Variants in NPFFR1 observed in about 807,000 individuals in gnomAD.
The protein encoded by NPFFR1 is G-protein coupled receptor 147.
NPFFR1 carries 17 observed loss-of-function variants against 12.7 expected under a neutral mutation model. The observed-to-expected ratio is 1.34, with a 90% CI of 0.92 to 2.01. The LOEUF (loss-of-function observed/expected upper bound fraction) is 2.01. NPFFR1 is among the 30% of genes most tolerant of loss of function. The pLI is 0.00. For synonymous variants in NPFFR1, 296 were observed against 264.5 expected, an observed-to-expected ratio of 1.12 and a Z score of -1.16; for missense variants, 604 against 606.5, an observed-to-expected ratio of 1.00 and a Z score of 0.04.
At chr10:70,281,668 T>C (rs1045183654) in intron 1 of NPFFR1, among the ~76,000 whole-genome samples, 15 of 152,258 alleles carry the variant, frequency 9.9e-5, no homozygotes, top group African/African-American at 3.6e-4. Flanking sequence ...TGTTTTTTTT[T>C]CTAATTACTC....
rs1840567600 is a variant in NPFFR1 at position 70,255,923 on chromosome 10, G to A, written c.423-96C>T. ...ATGCGGGCACCTGACCTTCATCATCGCATCTAGGGCGGCGTCGAAGAACAG... is the reference window on the plus strand; with the variant it reads ...ATGCGGGCACCTGACCTTCATCATCACATCTAGGGCGGCGTCGAAGAACAG... On this transcript the variant is annotated intron_variant, in intron 3 of 3. Coordinates refer to ENST00000277942, the MANE Select transcript of NPFFR1 (RefSeq NM_022146.5). This position sits in a 1 kb window ranked among gnomAD's most constrained non-coding sequence, Gnocchi z 4.2. 2.3e-6 allele frequency: 3 copies of A among 1,332,086 alleles called. No homozygotes were observed. The highest frequency in any genetic ancestry group is 3.1e-6 in the Non-Finnish European group (3 of 976,764). 82.5% of individuals were successfully genotyped at this position (1,332,086 alleles called of 1,614,324 possible).
At chr10:70,259,367 A>G (rs926512114) in intron 3 of NPFFR1, among the ~76,000 whole-genome samples, 8 of 152,180 alleles carry the variant, frequency 5.3e-5, no homozygotes, top group African/African-American at 1.9e-4. Context: ...AGTGCTGGCT[A>G]TGAATGCAAT....
intron 3 of NPFFR1, 139 bp downstream of exon 3, chr10:70,260,501 C>T: frequency 1.3e-6 from 1 of 761,532 alleles, no homozygotes; most frequent in Admixed American, 2.2e-5. Context: ...CAGGGCCCTT[C>T]TCCTTGTGGC....
At chr10:70,269,574 C>T (rs1465094698) in intron 1 of NPFFR1, among the ~76,000 whole-genome samples, 3 of 147,572 alleles carry the variant, frequency 2.0e-5, no homozygotes, top group Non-Finnish European at 4.5e-5. Context: ...GCAATGGCTT[C>T]GATCTTGGCT....
intron 1 of NPFFR1, among the ~76,000 whole-genome samples, chr10:70,278,634 G>T (rs894760458): frequency 6.6e-6 from 1 of 152,080 alleles, no homozygotes; most frequent in Non-Finnish European, 1.5e-5. Flanking sequence ...CCCCATTGTT[G>T]GTCCTCCAGT....
At chr10:70,278,322 C>A (rs1315145148) in intron 1 of NPFFR1, among the ~76,000 whole-genome samples, 3 of 136,388 alleles carry the variant, frequency 2.2e-5, no homozygotes, top group South Asian at 2.8e-4. Flanking sequence ...TGCCCCGTAA[C>A]TTTCCTGAAG....
At chr10:70,275,366 C>T (rs912457398) in intron 1 of NPFFR1, among the ~76,000 whole-genome samples, 3 of 152,086 alleles carry the variant, frequency 2.0e-5, no homozygotes, top group African/African-American at 4.8e-5. Flanking sequence ...AAAAGAATTC[C>T]AGGCCTTAGA....
At chr10:70,281,022 A>G (rs182588005) in intron 1 of NPFFR1, among the ~76,000 whole-genome samples, 1 of 152,288 alleles carries the variant, frequency 6.6e-6, no homozygotes, top group East Asian at 1.9e-4. Flanking sequence ...AACAACAACA[A>G]CAAAGAATTC....
intron 1 of NPFFR1, among the ~76,000 whole-genome samples, chr10:70,271,018 C>G (rs1281444495): frequency 6.6e-6 from 1 of 152,162 alleles, no homozygotes; most frequent in Non-Finnish European, 1.5e-5. Context: ...AACCAGAAAC[C>G]CTTGGGACTG....
Position 70,250,961 on chromosome 10 carries a change from C to A in NPFFR1, c.*3996G>T, listed in dbSNP as rs7914887. 2 of 152,082 alleles carry A rather than the reference C, an allele frequency of 1.3e-5. No homozygotes were observed. The highest frequency in any genetic ancestry group is 4.8e-5 in the African/African-American group (2 of 41,386). The allele number at this position is 152,082 out of a possible 1,614,324, so 9.4% of individuals were successfully genotyped here. The stretch of plus-strand genomic sequence containing the variant: ...GTCTCTTGCGGTAGGATTTTGGGTG[C>A]TTTTCATTTTCTTGTCTTTGCTTAT... On this transcript the variant is annotated 3_prime_UTR_variant, in exon 4 of 4. Coordinates refer to ENST00000277942, the MANE Select transcript of NPFFR1 (RefSeq NM_022146.5).
At chr10:70,274,716 C>T (rs1840784139) in intron 1 of NPFFR1, among the ~76,000 whole-genome samples, 1 of 152,152 alleles carries the variant, frequency 6.6e-6, no homozygotes, top group Non-Finnish European at 1.5e-5. Context: ...CTCTCCCAAC[C>T]TCATGGAGTT....
chr10:70,283,233 C>G (rs1340008877), intron 1 of NPFFR1, among the ~76,000 whole-genome samples: 4 of 151,392 alleles, frequency 2.6e-5, no homozygotes, highest in African/African-American at 9.7e-5. Context: ...CTCTCTCTCT[C>G]TCTCTCACAC....
At position 70,255,245 on chromosome 10, in the gene NPFFR1, G is replaced by A. The variant is rs1438107431; in HGVS notation, c.1005C>T (p.Asn335=). The change falls in exon 4 of 4, where the codon AAC becomes AAT. Residue 335 remains asparagine (N), a synonymous_variant. Coordinates refer to ENST00000277942, the MANE Select transcript of NPFFR1 (RefSeq NM_022146.5). The surrounding 1 kb of genome is among the most constrained non-coding windows in gnomAD (Gnocchi z 4.2). ...AGGCGGCCTGGAAGCCGCGGCGGAAGTTCTCGTTGAAGTAGCCGTAGATGA... is the reference window on the plus strand; with the variant it reads ...AGGCGGCCTGGAAGCCGCGGCGGAAATTCTCGTTGAAGTAGCCGTAGATGA... ...NPIIYGYFNE[N]FRRGFQAAFR... 3 of 1,561,642 alleles carry A rather than the reference G, an allele frequency of 1.9e-6. No individual in the cohort carries two copies. The highest frequency in any genetic ancestry group is 2.6e-6 in the Non-Finnish European group (3 of 1,158,728).
intron 1 of NPFFR1, among the ~76,000 whole-genome samples, chr10:70,276,797 G>C (rs1840809862): frequency 6.6e-6 from 1 of 152,076 alleles, no homozygotes; most frequent in Admixed American, 6.6e-5. Flanking sequence ...ATGTTGGCCA[G>C]GCTGGTCTCA....
chr10:70,262,024 T>C (rs1442493497), intron 2 of NPFFR1, among the ~76,000 whole-genome samples: 1 of 152,234 alleles, frequency 6.6e-6, no homozygotes, highest in Non-Finnish European at 1.5e-5. Flanking sequence ...ATTTTCTCAT[T>C]GTACCAAAGA....
chr10:70,278,901 A>G (rs1465162512), intron 1 of NPFFR1, among the ~76,000 whole-genome samples: 1 of 152,202 alleles, frequency 6.6e-6, no homozygotes, highest in Non-Finnish European at 1.5e-5. Context: ...TGTCTTATGA[A>G]CAGTTGCTCC....
intron 2 of NPFFR1, 134 bp from the exon 3 acceptor site, chr10:70,260,873 G>A (rs543835533): frequency 5.4e-6 from 4 of 735,302 alleles, no homozygotes; most frequent in African/African-American, 5.3e-5. Flanking sequence ...TCTGGTCTCT[G>A]CTTGCAGACT....
intron 1 of NPFFR1, among the ~76,000 whole-genome samples, chr10:70,279,022 G>A (rs1160881954): frequency 6.6e-6 from 1 of 152,046 alleles, no homozygotes; most frequent in Non-Finnish European, 1.5e-5. Flanking sequence ...AAAAAGCGAT[G>A]GTATAATTTA....
intron 3 of NPFFR1, among the ~76,000 whole-genome samples, chr10:70,260,380 A>G (rs958524999): frequency 1.3e-5 from 2 of 152,194 alleles, no homozygotes; most frequent in Non-Finnish European, 2.9e-5. Context: ...AGCTCCTCAC[A>G]GGCCCCAGGA....
Sources: allele counts gnomAD v4.1 joint callset (sites outside exome capture counted in the v4.1 genomes callset), GRCh38; gene constraint gnomAD v4.1.1; non-coding constraint Gnocchi (gnomAD v3.1); transcripts MANE v1.5; gene names NCBI Gene and HGNC (gene_info 2026-07-23, HGNC 2026-07-21).